Variants in DYNLL2 observed in about 807,000 individuals in gnomAD.
The protein encoded by DYNLL2 is dynein light chain LC8-type 2, also known as dynein light chain 2, cytoplasmic.
Under a neutral mutation model 9.7 loss-of-function variants are expected in DYNLL2, and 1 was observed. That is an observed-to-expected ratio of 0.10 (90% confidence interval 0.04 to 0.49). The LOEUF (loss-of-function observed/expected upper bound fraction) is 0.49. Among genes scored for constraint, DYNLL2 ranks in the 20% least tolerant of loss-of-function variants. DYNLL2 has a pLI of 0.95. For synonymous variants in DYNLL2, 35 were observed against 40.5 expected, an observed-to-expected ratio of 0.86 and a Z score of 0.52; for missense variants, 37 against 115.2, an observed-to-expected ratio of 0.32 and a Z score of 3.11.
intron 1 of DYNLL2, among the ~76,000 whole-genome samples, chr17:58,083,902 T>C (rs992293396): frequency 8.9e-5 from 13 of 146,890 alleles, no homozygotes; most frequent in African/African-American, 2.7e-4. Context: ...TGCGCCACCC[T>C]TTGCCCCGGC....
Position 58,083,456 on chromosome 17 carries a change from G to GGTGC in DYNLL2, c.-236_-235insTGCG, listed in dbSNP as rs1440081256. 1.3e-4 allele frequency: 14 copies of GGTGC among 111,984 alleles called. No homozygotes were observed. Among genetic ancestry groups the GGTGC allele is most frequent in the Non-Finnish European group, 1.8e-4 (9 of 50,988 alleles). The allele number at this position is 111,984 out of a possible 1,614,324, so 6.9% of individuals were successfully genotyped here. ...GAGCGGAGCTGTGAGGCGCCAGTGC[G>GGTGC]GAGCGGGCGGGCGGGCGGGCGGCGT... On this transcript the variant is annotated 5_prime_UTR_variant, in exon 1 of 3. Coordinates refer to ENST00000579991, the MANE Select transcript of DYNLL2 (RefSeq NM_080677.3).
rs1162410051 is a variant in DYNLL2 at position 58,083,447 on chromosome 17, C to A, written c.-246C>A. The stretch of plus-strand genomic sequence containing the variant: ...GGCAGAGCGGAGCGGAGCTGTGAGG[C>A]GCCAGTGCGGAGCGGGCGGGCGGGC... On this transcript the variant is annotated 5_prime_UTR_variant, in exon 1 of 3. Transcript: ENST00000579991. The A allele has an allele frequency of 5.5e-5, 4 of 72,988 alleles. No homozygotes were observed. The highest frequency in any genetic ancestry group is 1.7e-4 in the Admixed American group (1 of 5,742). The allele number at this position is 72,988 out of a possible 1,614,324, so 4.5% of individuals were successfully genotyped here. A position where few individuals can be genotyped will look rare whatever the true frequency, so the allele number is the denominator to read the frequency against.
chr17:58,084,371 C>CT (rs886313760), intron 1 of DYNLL2, among the ~76,000 whole-genome samples: 11 of 151,324 alleles, frequency 7.3e-5, no homozygotes, highest in Middle Eastern at 3.4e-3. Context: ...GAGATTTAGC[C>CT]TTTTTTTTTG....
chr17:58,088,192 T>G (rs889766818), intron 2 of DYNLL2, among the ~76,000 whole-genome samples: 6 of 152,232 alleles, frequency 3.9e-5, no homozygotes, highest in Non-Finnish European at 8.8e-5. Context: ...TTTTCTGGTC[T>G]GCGCTCTTTT....
In DYNLL2 at chr17:58,094,590, T is replaced by C. The variant is rs2036858034; in HGVS notation, c.*5311T>C. The C allele has an allele frequency of 6.6e-6, 1 of 152,286 alleles. No homozygotes were observed. Among genetic ancestry groups the C allele is most frequent in the African/African-American group, 2.4e-5 (1 of 41,456 alleles). 9.4% of individuals were successfully genotyped at this position (152,286 alleles called of 1,614,324 possible). A position where few individuals can be genotyped will look rare whatever the true frequency, so the allele number is the denominator to read the frequency against. ...GCAGTGGCAGAGAGGACTAATTTTT[T>C]ACTAGGTTCTGAGCCCTGTACTGAA... On this transcript the variant is annotated 3_prime_UTR_variant, in exon 3 of 3. Coordinates refer to ENST00000579991, the MANE Select transcript of DYNLL2 (RefSeq NM_080677.3).
intron 1 of DYNLL2, among the ~76,000 whole-genome samples, chr17:58,084,409 A>T (rs2075750488): frequency 6.6e-6 from 1 of 151,562 alleles, no homozygotes; most frequent in South Asian, 2.1e-4. Context: ...AGAGGATGGG[A>T]GCTGTCCTGG....
Position 58,089,976 on chromosome 17 carries a change from T to G in DYNLL2, c.*697T>G. ...CTGTGTCTTTGTGGATTACCTTCTT[T>G]TGTTCTTCCTGCCAGAGATCATGAC... On this transcript the variant is annotated 3_prime_UTR_variant, in exon 3 of 3. Coordinates refer to ENST00000579991, the MANE Select transcript of DYNLL2 (RefSeq NM_080677.3). 1 of 398,620 alleles carries G rather than the reference T, an allele frequency of 2.5e-6. No individual in the cohort carries two copies. The highest frequency in any genetic ancestry group is 4.4e-6 in the Non-Finnish European group (1 of 226,082). 24.7% of individuals were successfully genotyped at this position (398,620 alleles called of 1,614,324 possible). A position where few individuals can be genotyped will look rare whatever the true frequency, so the allele number is the denominator to read the frequency against.
chr17:58,090,567 G>A lies in DYNLL2; in HGVS notation c.*1288G>A, dbSNP rs2075776568. 1 of 152,490 alleles carries A rather than the reference G, an allele frequency of 6.6e-6. No individual in the cohort carries two copies. The highest frequency in any genetic ancestry group is 6.5e-5 in the Admixed American group (1 of 15,278). The allele number at this position is 152,490 out of a possible 1,614,324, so 9.4% of individuals were successfully genotyped here. On this transcript the variant is annotated 3_prime_UTR_variant, in exon 3 of 3. Transcript: ENST00000579991. ...GGGACAGTGACTGTGGATGGTTGCA[G>A]TCTCTGGTGGGAGGTGAGGATAGAA...
intron 2 of DYNLL2, among the ~76,000 whole-genome samples, chr17:58,088,194 C>T (rs538664070): frequency 2.6e-5 from 4 of 152,296 alleles, no homozygotes; most frequent in Admixed American, 6.5e-5. Context: ...TTCTGGTCTG[C>T]GCTCTTTTTT....
At chr17:58,084,673 C>T (rs964725314) in intron 1 of DYNLL2, among the ~76,000 whole-genome samples, 9 of 152,210 alleles carry the variant, frequency 5.9e-5, no homozygotes, top group Non-Finnish European at 1.3e-4. Context: ...TAACCGCAGG[C>T]TCTTTCCTGG....
chr17:58,087,331 A>C, intron 2 of DYNLL2, 109 bp downstream of exon 2: 3 of 1,463,798 alleles, frequency 2.0e-6, no homozygotes, highest in Non-Finnish European at 2.7e-6. Flanking sequence ...TATCCTGTGC[A>C]AGCAAAACCC....
At position 58,092,785 on chromosome 17, in the gene DYNLL2, T is replaced by C. The variant is rs990095593; in HGVS notation, c.*3506T>C. 1.8e-4 allele frequency: 28 copies of C among 152,280 alleles called. No homozygotes were observed. Among genetic ancestry groups the C allele is most frequent in the African/African-American group, 6.5e-4 (27 of 41,464 alleles). The allele number at this position is 152,280 out of a possible 1,614,324, so 9.4% of individuals were successfully genotyped here. On this transcript the variant is annotated 3_prime_UTR_variant, in exon 3 of 3. Coordinates refer to ENST00000579991, the MANE Select transcript of DYNLL2 (RefSeq NM_080677.3). ...TGGTAGGGAATCTTCTTTGTTGCTG[T>C]GGCACTGTCGATCTCTGTTCCCTGA...
chr17:58,084,371 C>A lies in DYNLL2; in HGVS notation c.-10+688C>A, dbSNP rs559075377. ...GGTCCGTGTCATTCGGAGATTTAGC[C>A]TTTTTTTTTGGTTGCAAAACCAGGA... is the stretch of plus-strand genomic sequence containing the variant. On this transcript the variant is annotated intron_variant, in intron 1 of 2. Transcript: ENST00000579991. Among the ~76,000 whole-genome samples the A allele has an allele frequency of 2.0e-3, 303 of 151,324 alleles. 1 individual carries two copies. Among genetic ancestry groups the A allele is most frequent in the Non-Finnish European group, 3.9e-3 (265 of 67,670 alleles).
intron 1 of DYNLL2, among the ~76,000 whole-genome samples, chr17:58,084,691 G>T (rs1047364376): frequency 2.0e-5 from 3 of 152,180 alleles, no homozygotes; most frequent in Non-Finnish European, 4.4e-5. Context: ...TGGAGAGTAA[G>T]GTGGCTTTTA....
intron 2 of DYNLL2, 95 bp downstream of exon 2, chr17:58,087,317 C>T (rs1389288520): frequency 3.9e-6 from 6 of 1,527,324 alleles, no homozygotes; most frequent in East Asian, 2.4e-5. Context: ...TAAGAAAGCC[C>T]GTATATCCTG....
rs139019832 is a variant in DYNLL2, at chr17:58,089,053, G to A, written c.133-89G>A. Reference sequence around the variant, plus strand: ...GGTGATAACAACCAAACGTGTCGGTGCTGGAGTTGCAGGGAGAGACTCCCA... The same window carrying A: ...GGTGATAACAACCAAACGTGTCGGTACTGGAGTTGCAGGGAGAGACTCCCA... On this transcript the variant is annotated intron_variant, in intron 2 of 2. Coordinates refer to ENST00000579991, the MANE Select transcript of DYNLL2 (RefSeq NM_080677.3). The A allele has an allele frequency of 6.8e-5, 104 of 1,523,380 alleles. No homozygotes were observed. The East Asian group carries it at 2.3e-3, about 34-fold the overall frequency. The allele number at this position is 1,523,380 out of a possible 1,614,324, so 94.4% of individuals were successfully genotyped here. A position where few individuals can be genotyped will look rare whatever the true frequency, so the allele number is the denominator to read the frequency against.
chr17:58,089,753 A>T lies in DYNLL2; in HGVS notation c.*474A>T, dbSNP rs950724305. 2 of 400,908 alleles carry T rather than the reference A, an allele frequency of 5.0e-6. No individual in the cohort carries two copies. Among genetic ancestry groups the T allele is most frequent in the Non-Finnish European group, 8.8e-6 (2 of 228,106 alleles). 24.8% of individuals were successfully genotyped at this position (400,908 alleles called of 1,614,324 possible). On this transcript the variant is annotated 3_prime_UTR_variant, in exon 3 of 3. Transcript: ENST00000579991. ...GGGGACAGTGTTGGGATTGTCAAGG[A>T]AAAAGGGGTAGGAAGGAAGGTGGAG...
Position 58,083,481 on chromosome 17 carries a change from T to G in DYNLL2, c.-212T>G, listed in dbSNP as rs2533003. On this transcript the variant is annotated 5_prime_UTR_variant, in exon 1 of 3. Transcript: ENST00000579991. The stretch of plus-strand genomic sequence containing the variant: ...GGAGCGGGCGGGCGGGCGGGCGGCG[T>G]GAGGCGGAGCGCGGGCGGCCGGCGA... 2 of 146,764 alleles carry G rather than the reference T, an allele frequency of 1.4e-5. No individual in the cohort carries two copies. The highest frequency in any genetic ancestry group is 3.0e-5 in the Non-Finnish European group (2 of 66,186). 9.1% of individuals were successfully genotyped at this position (146,764 alleles called of 1,614,324 possible). A position where few individuals can be genotyped will look rare whatever the true frequency, so the allele number is the denominator to read the frequency against.
rs1012458866 is a variant in DYNLL2 at position 58,089,040 on chromosome 17, C to T, written c.133-102C>T. 14 of 1,467,318 alleles carry T rather than the reference C, an allele frequency of 9.5e-6. No homozygotes were observed. The African/African-American group carries it at 2.0e-4, about 21-fold the overall frequency. 90.9% of individuals were successfully genotyped at this position (1,467,318 alleles called of 1,614,324 possible). On this transcript the variant is annotated intron_variant, in intron 2 of 2. Coordinates refer to ENST00000579991, the MANE Select transcript of DYNLL2 (RefSeq NM_080677.3). Reference sequence around the variant, plus strand: ...GGGATGGGGTGGGGGTGATAACAACCAAACGTGTCGGTGCTGGAGTTGCAG... The same window carrying T: ...GGGATGGGGTGGGGGTGATAACAACTAAACGTGTCGGTGCTGGAGTTGCAG...
Sources: gnomAD v4.1 joint callset for allele counts (sites outside exome capture counted in the v4.1 genomes callset) on GRCh38, gnomAD v4.1.1 for gene constraint, MANE v1.5 for transcripts, NCBI Gene and HGNC (gene_info 2026-07-23, HGNC 2026-07-21) for gene names.